The following PRKDC variants were observed in gnomAD, a reference collection of about 807,000 sequenced individuals.
PRKDC encodes the protein protein kinase, DNA-activated, catalytic subunit.
In PRKDC, 82 loss-of-function variants were observed where a neutral mutation model predicts 486.9. The ratio of observed to expected loss-of-function variants is 0.17; its 90% confidence interval spans 0.14 to 0.20. PRKDC has a LOEUF of 0.20. Among genes scored for constraint, PRKDC ranks in the 10% least tolerant of loss-of-function variants. The pLI, the probability that PRKDC is intolerant of heterozygous loss-of-function variation, is 1.00. For missense variants in PRKDC, 4,504 were observed against 5,038.2 expected (o/e 0.89, Z 3.21); for synonymous variants, 1,895 against 1,837.0 (o/e 1.03, Z -0.81).
chr8:47,872,630 G>T (rs2088980843), intron 40 of PRKDC, among the ~76,000 whole-genome samples: 1 of 152,068 alleles, frequency 6.6e-6, no homozygotes, highest in Non-Finnish European at 1.5e-5. Flanking sequence ...AACAGAGCAG[G>T]AGTAGCTGTA....
rs1014173118 is a variant in PRKDC at position 47,918,307 on chromosome 8, C to T, written c.2496G>A (p.Lys832=). ...AQKGFNKVVL[K]HLKKTKNLSS... ...AAAGGTTCTTTGTCTTCTTCAGATGCTTTAACACCACTTTATTAAATCCTT... is the reference window on the plus strand; with the variant it reads ...AAAGGTTCTTTGTCTTCTTCAGATGTTTTAACACCACTTTATTAAATCCTT... Residue 832 remains lysine, a synonymous_variant, in exon 22 of 86, where the codon AAG becomes AAA. Transcript: ENST00000314191. 3.1e-6 allele frequency: 5 copies of T among 1,591,336 alleles called. No individual in the cohort carries two copies. The highest frequency in any genetic ancestry group is 2.7e-5 in the African/African-American group (2 of 74,776).
intron 54 of PRKDC, among the ~76,000 whole-genome samples, chr8:47,843,806 A>T (rs893051233): frequency 6.6e-6 from 1 of 152,242 alleles, no homozygotes; most frequent in Non-Finnish European, 1.5e-5. Context: ...AAGTTTCATA[A>T]GGAAAGAAAA....
At chr8:47,850,356 T>C (rs532979376) in intron 52 of PRKDC, among the ~76,000 whole-genome samples, 3 of 152,294 alleles carry the variant, frequency 2.0e-5, no homozygotes, top group Admixed American at 6.5e-5. Flanking sequence ...ATGCAAAACG[T>C]TTTGAGCCTC....
At chr8:47,910,796 AAT>A (rs1206003605) in intron 25 of PRKDC, among the ~76,000 whole-genome samples, 2 of 151,936 alleles carry the variant, frequency 1.3e-5, no homozygotes, top group Non-Finnish European at 2.9e-5. Context: ...ATAGTCATAA[AAT>A]ATGTTTGCCT....
At chr8:47,785,551 T>C (rs1349565731) in intron 76 of PRKDC, among the ~76,000 whole-genome samples, 2 of 151,878 alleles carry the variant, frequency 1.3e-5, no homozygotes, top group African/African-American at 2.4e-5. Flanking sequence ...CCGGGCAACA[T>C]AGCAAGACCC....
intron 21 of PRKDC, 105 bp downstream of exon 21, chr8:47,927,089 C>T: frequency 9.3e-7 from 1 of 1,073,608 alleles, no homozygotes. Context: ...ATTTTGAACA[C>T]ACTGGGCTTA....
chr8:47,821,642 G>A lies in PRKDC; in HGVS notation c.9073C>T (p.Pro3025Ser). Residue 3025 changes from proline to serine, a missense_variant, in exon 65 of 86, where the codon CCA (proline) becomes TCA (serine). Physicochemically the swap from Pro to Ser is moderately conservative, Grantham distance 74. Transcript: ENST00000314191. ...STASIDSENPPDLNKIWSEPF... is the reference protein window; with the variant it reads ...STASIDSENPSDLNKIWSEPF... Reference sequence around the variant, plus strand: ...TCACTCCAGATTTTATTTAGGTCTGGGGGGTTCTCACTGTCTATACTGGCT... The same window carrying A: ...TCACTCCAGATTTTATTTAGGTCTGAGGGGTTCTCACTGTCTATACTGGCT... 1.9e-6 allele frequency: 3 copies of A among 1,602,544 alleles called. No homozygotes were observed. Among genetic ancestry groups the A allele is most frequent in the Non-Finnish European group, 1.7e-6 (2 of 1,173,612 alleles).
chr8:47,950,946 A>G (rs2090616535), intron 7 of PRKDC, among the ~76,000 whole-genome samples: 1 of 152,220 alleles, frequency 6.6e-6, no homozygotes, highest in Admixed American at 6.5e-5. Flanking sequence ...GTGAGTAGCC[A>G]CTGTACTTTT....
rs745831286 is a variant in PRKDC at position 47,902,814 on chromosome 8, A to C, written c.3043-19T>G. ...TTCCATCCTGAAACAAAACAAAGAGACCTTGATTGTACTAATTTTTATAAC... is the reference window on the plus strand; with the variant it reads ...TTCCATCCTGAAACAAAACAAAGAGCCCTTGATTGTACTAATTTTTATAAC... On this transcript the variant is annotated intron_variant, in intron 26 of 85. Coordinates refer to ENST00000314191, the MANE Select transcript of PRKDC (RefSeq NM_006904.7). The C allele has an allele frequency of 1.3e-6, 2 of 1,568,520 alleles. No homozygotes were observed. Among genetic ancestry groups the C allele is most frequent in the Non-Finnish European group, 8.6e-7 (1 of 1,157,194 alleles).
chr8:47,892,356 G>A (rs374522355), intron 31 of PRKDC, among the ~76,000 whole-genome samples: 3 of 151,680 alleles, frequency 2.0e-5, no homozygotes, highest in Non-Finnish European at 4.4e-5. Context: ...TTTGAGACAC[G>A]GTCTCACTCT....
chr8:47,794,557 TA>T, intron 73 of PRKDC, 56 bp from the exon 74 acceptor site: 2 of 1,376,322 alleles, frequency 1.5e-6, no homozygotes, highest in Middle Eastern at 1.9e-4. Flanking sequence ...TCATCTGTTA[TA>T]AAAGTAACAT....
At chr8:47,924,675 C>T (rs1404646442) in intron 21 of PRKDC, among the ~76,000 whole-genome samples, 1 of 152,048 alleles carries the variant, frequency 6.6e-6, no homozygotes, top group Non-Finnish European at 1.5e-5. Flanking sequence ...CCTTCAGTGG[C>T]CAGAGTACAT....
Position 47,893,130 on chromosome 8 carries a change from G to A in PRKDC, c.3847+9C>T. 1.3e-6 allele frequency: 2 copies of A among 1,581,848 alleles called. No homozygotes were observed. The highest frequency in any genetic ancestry group is 4.6e-5 in the East Asian group (2 of 43,932). On this transcript the variant is annotated intron_variant, in intron 31 of 85. Coordinates refer to ENST00000314191, the MANE Select transcript of PRKDC (RefSeq NM_006904.7). ...CGACACACACCAGAATAAGGCAAGG[G>A]TGACCTACCTAGGACCTGGAGCGCT...
chr8:47,891,142 A>T (rs888839026), intron 31 of PRKDC, among the ~76,000 whole-genome samples: 5 of 152,160 alleles, frequency 3.3e-5, no homozygotes, highest in African/African-American at 1.2e-4. Flanking sequence ...CTGCTTAATG[A>T]AAGACAGACC....
At chr8:47,913,723 C>T (rs537028824) in intron 24 of PRKDC, among the ~76,000 whole-genome samples, 178 bp downstream of exon 24, 1 of 152,274 alleles carries the variant, frequency 6.6e-6, no homozygotes, top group African/African-American at 2.4e-5. Context: ...TTATACTTAA[C>T]TTACATTTAT....
At chr8:47,938,418 TAAA>T (rs761353861) in intron 11 of PRKDC, among the ~76,000 whole-genome samples, 1 of 104,094 alleles carries the variant, frequency 9.6e-6, no homozygotes, top group African/African-American at 3.6e-5. Flanking sequence ...ACTCAAAAAT[TAAA>T]AAAAAAAAAG....
At chr8:47,886,395 T>C (rs2089332886) in intron 35 of PRKDC, among the ~76,000 whole-genome samples, 1 of 152,208 alleles carries the variant, frequency 6.6e-6, no homozygotes, top group Non-Finnish European at 1.5e-5. Context: ...CTTGTTGTTG[T>C]GTTTTATTTT....
intron 29 of PRKDC, among the ~76,000 whole-genome samples, chr8:47,897,972 G>A (rs2089612291): frequency 2.0e-5 from 3 of 152,172 alleles, no homozygotes; most frequent in Non-Finnish European, 4.4e-5. Flanking sequence ...ACTGGAGAAG[G>A]CAACACCACT....
intron 21 of PRKDC, among the ~76,000 whole-genome samples, chr8:47,925,032 C>A (rs73577390): frequency 0.013 from 1,965 of 152,312 alleles, 41 homozygotes; most frequent in African/African-American, 0.045. Context: ...CACGTGGGTG[C>A]CTCATCTGGC....
Sources: allele counts gnomAD v4.1 joint callset (sites outside exome capture counted in the v4.1 genomes callset), GRCh38; gene constraint gnomAD v4.1.1; transcripts MANE v1.5; gene names NCBI Gene and HGNC (gene_info 2026-07-23, HGNC 2026-07-21).